Variants in NBEA observed in about 807,000 individuals in gnomAD.
NBEA encodes the protein neurobeachin.
NBEA carries 44 observed loss-of-function variants against 343.4 expected under a neutral mutation model. The observed-to-expected ratio is 0.13, with a 90% confidence interval of 0.10 to 0.16. The LOEUF (loss-of-function observed/expected upper bound fraction) is 0.16. Among genes scored for constraint, NBEA ranks in the 10% least tolerant of loss-of-function variants. The pLI is 1.00. For missense variants in NBEA, 2,555 were observed against 3,631.3 expected (o/e 0.70, Z 7.62); for synonymous variants, 1,175 against 1,238.7 (o/e 0.95, Z 1.08).
chr13:35,185,397 T>G (rs1416075690), intron 30 of NBEA: 4 of 152,188 alleles, frequency 2.6e-5, no homozygotes, highest in Non-Finnish European at 5.9e-5. Flanking sequence ...TGTTACAACT[T>G]GATGAATGTA....
chr13:35,090,920 A>G (rs910670527), intron 10 of NBEA, among the ~76,000 whole-genome samples: 4 of 152,030 alleles, frequency 2.6e-5, no homozygotes, highest in African/African-American at 9.7e-5. Flanking sequence ...AAGTGAGTTC[A>G]CTATACTTTT....
chr13:35,500,571 C>G (rs1164543444), intron 41 of NBEA, among the ~76,000 whole-genome samples: 1 of 152,020 alleles, frequency 6.6e-6, no homozygotes, highest in African/African-American at 2.4e-5. Context: ...TTTGCCTACT[C>G]TTTTCTCTTC....
At chr13:35,503,107 C>T (rs1490482844) in intron 41 of NBEA, among the ~76,000 whole-genome samples, 1 of 151,868 alleles carries the variant, frequency 6.6e-6, no homozygotes, top group Non-Finnish European at 1.5e-5. Context: ...ACACTAATGA[C>T]CTTTATCAAT....
Position 35,668,351 on chromosome 13 carries a change from T to C in NBEA, c.8662-17T>C. 6.4e-7 allele frequency: 1 copy of C among 1,568,132 alleles called. No individual in the cohort carries two copies. The highest frequency in any genetic ancestry group is 1.9e-5 in the Admixed American group (1 of 51,764). Reference sequence around the variant, plus strand: ...TATTTTGTTTTTTTTTGTTTGTTTGTTTTACCTTTTCTGAAGGCCATTCTC... The same window carrying C: ...TATTTTGTTTTTTTTTGTTTGTTTGCTTTACCTTTTCTGAAGGCCATTCTC... On this transcript the variant is annotated splice_polypyrimidine_tract_variant and intron_variant, in intron 57 of 58. Transcript: ENST00000379939.
intron 1 of NBEA, among the ~76,000 whole-genome samples, chr13:34,998,040 C>G (rs1386816646): frequency 6.6e-6 from 1 of 152,052 alleles, no homozygotes; most frequent in Admixed American, 6.6e-5. Context: ...CACATAGGTT[C>G]TTTTCTATTT....
At chr13:35,658,120 CT>C (rs2084906394) in intron 55 of NBEA, among the ~76,000 whole-genome samples, 1 of 151,744 alleles carries the variant, frequency 6.6e-6, no homozygotes, top group Admixed American at 6.6e-5. Flanking sequence ...ATACAAAATG[CT>C]TTTTTAATTC....
At position 35,452,178 on chromosome 13, in the gene NBEA, G is replaced by C; in HGVS notation, c.6391G>C (p.Glu2131Gln). The C allele has an allele frequency of 6.2e-7, 1 of 1,606,976 alleles. No individual in the cohort carries two copies. Among genetic ancestry groups the C allele is most frequent in the East Asian group, 2.2e-5 (1 of 44,738 alleles). ...NQNAETELML[E>Q]GDDDAVSLLQ... ...AAATGCAGAGACAGAACTTATGCTGGAAGGAGACGATGATGCAGTCAGTCT... is the reference window on the plus strand; with the variant it reads ...AAATGCAGAGACAGAACTTATGCTGCAAGGAGACGATGATGCAGTCAGTCT... Residue 2131 changes from glutamate (E) to glutamine (Q), a missense_variant, in exon 40 of 59, where the codon GAA becomes CAA. By Grantham distance (29) the Glu-to-Gln change is conservative. This residue lies in a region of NBEA where 246 missense variants were observed against 313.7 expected (regional missense o/e 0.78). Transcript: ENST00000379939.
At chr13:35,565,836 A>G (rs1203188872) in intron 44 of NBEA, among the ~76,000 whole-genome samples, 1 of 152,070 alleles carries the variant, frequency 6.6e-6, no homozygotes, top group Non-Finnish European at 1.5e-5. Context: ...AGACATATTC[A>G]CCCTAAGATC....
At chr13:35,242,618 C>G (rs1364052473) in intron 34 of NBEA, among the ~76,000 whole-genome samples, 1 of 151,792 alleles carries the variant, frequency 6.6e-6, no homozygotes, top group African/African-American at 2.4e-5. Flanking sequence ...TACTGAAAGT[C>G]AAAGATAATC....
intron 36 of NBEA, among the ~76,000 whole-genome samples, chr13:35,322,719 A>G (rs1241179882): frequency 6.6e-6 from 1 of 152,224 alleles, no homozygotes; most frequent in African/African-American, 2.4e-5. Flanking sequence ...TTTCTTATTT[A>G]TACATATAAC....
At chr13:35,029,338 T>C (rs2062123832) in intron 1 of NBEA, among the ~76,000 whole-genome samples, 1 of 151,492 alleles carries the variant, frequency 6.6e-6, no homozygotes, top group South Asian at 2.1e-4. Context: ...GTTTCTGGAT[T>C]AAGTGGTATC....
chr13:35,464,906 G>A (rs182075109), intron 40 of NBEA, among the ~76,000 whole-genome samples: 117 of 151,940 alleles, frequency 7.7e-4, no homozygotes, highest in African/African-American at 2.6e-3. Context: ...ATTAATTTTC[G>A]TTGACTACGT....
chr13:35,157,447 G>C (rs79295249), intron 21 of NBEA, among the ~76,000 whole-genome samples, 177 bp downstream of exon 21: 1 of 152,052 alleles, frequency 6.6e-6, no homozygotes, highest in African/African-American at 2.4e-5. Context: ...GTGGCTTATA[G>C]ATGAATTAAT....
At chr13:35,615,129 C>CAAAAAAAAAAAAAAAAAAA (rs34475826) in intron 48 of NBEA, among the ~76,000 whole-genome samples, 15 of 110,964 alleles carry the variant, frequency 1.4e-4, no homozygotes, top group African/African-American at 1.7e-4. Context: ...ACTAAAAATA[C>CAAAAAAAAAAAAAAAAAAA]AAAAAAAAAA....
At chr13:35,484,272 G>GTATATATATA (rs1384334234) in intron 41 of NBEA, among the ~76,000 whole-genome samples, 1 of 114,890 alleles carries the variant, frequency 8.7e-6, no homozygotes, top group Non-Finnish European at 1.8e-5. Context: ...GTGTGTGTGT[G>GTATATATATA]TGTATATATA....
At chr13:35,515,907 C>G (rs936793418) in intron 41 of NBEA, among the ~76,000 whole-genome samples, 1 of 152,068 alleles carries the variant, frequency 6.6e-6, no homozygotes, top group Non-Finnish European at 1.5e-5. Flanking sequence ...CATATTATAT[C>G]ACACACAATA....
chr13:35,315,881 A>G (rs570834619), intron 36 of NBEA, among the ~76,000 whole-genome samples: 9 of 152,018 alleles, frequency 5.9e-5, no homozygotes, highest in African/African-American at 1.2e-4. Context: ...GCTTGAGTTT[A>G]TTTCTCTTAT....
At chr13:35,634,070 CGCTGTG>C (rs2083589685) in intron 49 of NBEA, among the ~76,000 whole-genome samples, 1 of 152,140 alleles carries the variant, frequency 6.6e-6, no homozygotes, top group African/African-American at 2.4e-5. Flanking sequence ...TTAGGCCAGG[CGCTGTG>C]GCTCATGCCT....
chr13:35,417,948 G>A (rs2152921588), intron 38 of NBEA, among the ~76,000 whole-genome samples: 1 of 152,214 alleles, frequency 6.6e-6, no homozygotes, highest in Non-Finnish European at 1.5e-5. Flanking sequence ...TATATATTTA[G>A]GATAGTTAGC....
Sources: gnomAD v4.1 joint callset for allele counts (sites outside exome capture counted in the v4.1 genomes callset) on GRCh38, gnomAD v4.1.1 for gene constraint, gnomAD v4.1.1 regional missense constraint, MANE v1.5 for transcripts, NCBI Gene and HGNC (gene_info 2026-07-23, HGNC 2026-07-21) for gene names.